PLAT: variants seen among roughly 807,000 people sequenced by gnomAD.
PLAT encodes plasminogen activator, tissue type.
A neutral mutation model predicts 74.9 loss-of-function variants in PLAT; 48 were observed. That is an observed-to-expected ratio of 0.64 (90% CI 0.51 to 0.82). The LOEUF (loss-of-function observed/expected upper bound fraction) is 0.82. PLAT is among the 40% of genes least tolerant of loss of function. PLAT has a pLI of 0.00. For missense variants in PLAT, 673 were observed against 736.2 expected (o/e 0.91, Z 0.99); for synonymous variants, 307 against 294.4 (o/e 1.04, Z -0.44).
intron 1 of PLAT, among the ~76,000 whole-genome samples, chr8:42,204,358 A>G (rs1328654068): frequency 6.6e-6 from 1 of 152,202 alleles, no homozygotes; most frequent in African/African-American, 2.4e-5. Flanking sequence ...TGTCCGTCCC[A>G]ACAATCTCAT....
At chr8:42,183,810 T>TA (rs1587931688) in intron 7 of PLAT, among the ~76,000 whole-genome samples, 1 of 152,110 alleles carries the variant, frequency 6.6e-6, no homozygotes, top group Non-Finnish European at 1.5e-5. Flanking sequence ...AGAGTGACTG[T>TA]AAAGTCTTCA....
chr8:42,194,844 A>G (rs984867119), intron 1 of PLAT, among the ~76,000 whole-genome samples: 1 of 134,706 alleles, frequency 7.4e-6, no homozygotes, highest in Admixed American at 8.3e-5. Flanking sequence ...CATAGACTGC[A>G]GCAGATCCGG....
At chr8:42,179,123 G>A in intron 12 of PLAT, 60 bp from the exon 13 acceptor site, 1 of 1,327,122 alleles carries the variant, frequency 7.5e-7, no homozygotes, top group Non-Finnish European at 1.1e-6. Flanking sequence ...GTTTTTGAAA[G>A]AGAAAGCCAA....
intron 1 of PLAT, among the ~76,000 whole-genome samples, chr8:42,199,531 T>C (rs1806047814): frequency 6.6e-6 from 1 of 152,104 alleles, no homozygotes; most frequent in Admixed American, 6.5e-5. Flanking sequence ...TGTAGGCATA[T>C]GGCCTGTGTC....
intron 1 of PLAT, among the ~76,000 whole-genome samples, chr8:42,200,277 G>C (rs1806077039): frequency 1.3e-5 from 2 of 152,134 alleles, no homozygotes; most frequent in Admixed American, 6.5e-5. Context: ...AGTGGCTCAC[G>C]TCTGTAATCC....
chr8:42,197,232 C>T (rs1381332678), intron 1 of PLAT, among the ~76,000 whole-genome samples: 1 of 152,182 alleles, frequency 6.6e-6, no homozygotes, highest in Non-Finnish European at 1.5e-5. Flanking sequence ...GTGTGTAGGA[C>T]ACAGCCAGCA....
intron 6 of PLAT, chr8:42,187,027 TATCATCTATCC>T (rs1448744012): frequency 4.0e-5 from 7 of 176,672 alleles, no homozygotes; most frequent in Non-Finnish European, 5.9e-5. Context: ...ACCTATCATC[TATCATCTATCC>T]ATCTATCATC....
chr8:42,182,288 C>T (rs984882423), intron 8 of PLAT: 1 of 397,728 alleles, frequency 2.5e-6, no homozygotes, highest in Non-Finnish European at 4.7e-6. Context: ...AACCACTGAG[C>T]TGGGAGGGAG....
At chr8:42,203,985 A>AAT (rs1400283848) in intron 1 of PLAT, among the ~76,000 whole-genome samples, 5 of 128,762 alleles carry the variant, frequency 3.9e-5, no homozygotes, top group African/African-American at 1.6e-4. Flanking sequence ...ATATATATAT[A>AAT]TATATATACA....
chr8:42,192,895 C>G lies in PLAT; in HGVS notation c.72+219G>C, dbSNP rs1209385904. ...CCGCTTACTCAGGTCAAAATAAGTG[C>G]CTAGGGCCCAGCTACACACTGGGCC... is the stretch of plus-strand genomic sequence containing the variant. On this transcript the variant is annotated intron_variant, in intron 2 of 13. Coordinates refer to ENST00000220809, the MANE Select transcript of PLAT (RefSeq NM_000930.5). Among the ~76,000 whole-genome samples the G allele has an allele frequency of 2.0e-5, 3 of 152,224 alleles. No homozygotes were observed. In the East Asian group the frequency reaches 5.8e-4, roughly 29 times the overall value.
Position 42,191,418 on chromosome 8 carries a change from C to A in PLAT, c.73-4G>T. ...TTCTGAATCGGGCATGGATTTCCTG[C>A]GAAGAAACCAGAGGTGGAGGAAGGA... On this transcript the variant is annotated splice_region_variant and splice_polypyrimidine_tract_variant and intron_variant, in intron 2 of 13. Coordinates refer to ENST00000220809, the MANE Select transcript of PLAT (RefSeq NM_000930.5). The A allele has an allele frequency of 6.2e-7, 1 of 1,613,964 alleles. No homozygotes were observed.
Position 42,187,524 on chromosome 8 carries a change from G to T in PLAT, c.413C>A (p.Thr138Lys). The T allele has an allele frequency of 6.2e-7, 1 of 1,611,162 alleles. No individual in the cohort carries two copies. The highest frequency in any genetic ancestry group is 8.5e-7 in the Non-Finnish European group (1 of 1,179,074). Residue 138 changes from threonine (T) to lysine (K), a missense_variant, in exon 6 of 14, where the codon ACG (threonine) becomes AAG (lysine). By Grantham distance (78) the Thr-to-Lys change is moderately conservative. Transcript: ENST00000220809. ...YEDQGISYRG[T>K]WSTAESGAEC... ...GGCGCCACTCTCCGCTGTGCTCCAC[G>T]TGCCCCTGTAGCTGATGCCCTGGTC...
intron 1 of PLAT, among the ~76,000 whole-genome samples, chr8:42,200,478 C>G (rs1382573705): frequency 6.6e-6 from 1 of 151,652 alleles, no homozygotes; most frequent in Non-Finnish European, 1.5e-5. Flanking sequence ...AGTTTGAGAC[C>G]TCCCTGGGTA....
rs752630879 is a variant in PLAT at position 42,179,017 on chromosome 8, C to A, written c.1410G>T (p.Leu470=). 1.2e-6 allele frequency: 2 copies of A among 1,613,190 alleles called. No homozygotes were observed. Among genetic ancestry groups the A allele is most frequent in the Non-Finnish European group, 1.7e-6 (2 of 1,179,256 alleles). The change falls in exon 13 of 14, where the codon CTG becomes CTT. Residue 470 remains leucine (L), a synonymous_variant. Coordinates refer to ENST00000220809, the MANE Select transcript of PLAT (RefSeq NM_000930.5). Reference sequence around the variant, plus strand: ...GTGATGTGCAGCGGCTGGATGGGTACAGTCTGACATGAGCCTCCTTCAGCC... The same window carrying A: ...GTGATGTGCAGCGGCTGGATGGGTAAAGTCTGACATGAGCCTCCTTCAGCC... ...SERLKEAHVR[L]YPSSRCTSQH...
At chr8:42,184,421 A>G (rs779145482) in intron 7 of PLAT, among the ~76,000 whole-genome samples, 4 of 151,958 alleles carry the variant, frequency 2.6e-5, no homozygotes, top group Non-Finnish European at 5.9e-5. Context: ...GTGCAGTGGC[A>G]TGATCTCGGC....
At position 42,194,233 on chromosome 8, in the gene PLAT, AGAGAGAGAGT is replaced by A. The variant is rs972095270; in HGVS notation, c.-26-1032_-26-1023del. Among the ~76,000 whole-genome samples the A allele has an allele frequency of 9.8e-5, 6 of 61,384 alleles. No individual in the cohort carries two copies. The Admixed American group carries it at 1.3e-3, about 14-fold the overall frequency. 40.3% of individuals were successfully genotyped at this position (61,384 alleles called of 152,430 possible). A position where few individuals can be genotyped will look rare whatever the true frequency, so the allele number is the denominator to read the frequency against. ...GCCTGGCTGAGAGAGAGAGAGAGAG[AGAGAGAGAGT>A]GTGTGTGTGTGTGTGTGTGTGTGTG... is the stretch of plus-strand genomic sequence containing the variant. On this transcript the variant is annotated intron_variant, in intron 1 of 13. Transcript: ENST00000220809.
chr8:42,193,603 C>T (rs1805769550), intron 1 of PLAT: 1 of 198,558 alleles, frequency 5.0e-6, no homozygotes, highest in Non-Finnish European at 1.1e-5. Flanking sequence ...CTGTATGAAC[C>T]TGACTGCTCT....
At chr8:42,201,058 A>G (rs781525717) in intron 1 of PLAT, among the ~76,000 whole-genome samples, 4 of 152,076 alleles carry the variant, frequency 2.6e-5, no homozygotes, top group Non-Finnish European at 4.4e-5. Flanking sequence ...TCGAACTCCC[A>G]ACCTCAGGTG....
At chr8:42,199,338 G>C (rs1806039529) in intron 1 of PLAT, among the ~76,000 whole-genome samples, 2 of 152,154 alleles carry the variant, frequency 1.3e-5, no homozygotes, top group Admixed American at 1.3e-4. Flanking sequence ...TGGGTGTGGT[G>C]GTTTGCACCT....
Sources: gnomAD v4.1 joint callset for allele counts (sites outside exome capture counted in the v4.1 genomes callset) on GRCh38, gnomAD v4.1.1 for gene constraint, MANE v1.5 for transcripts, NCBI Gene and HGNC (gene_info 2026-07-23, HGNC 2026-07-21) for gene names.